Variants in GALNT13 observed in about 807,000 individuals in gnomAD.
GALNT13 encodes the protein UDP-GalNAc:polypeptide N-acetylgalactosaminyltransferase 13.
Under a neutral mutation model 64.2 loss-of-function variants are expected in GALNT13, and 28 were observed. The observed-to-expected ratio is 0.44, with a 90% CI of 0.32 to 0.60. The LOEUF (loss-of-function observed/expected upper bound fraction) is 0.60, where lower values mean the gene tolerates loss of function less well. Ranked by LOEUF, GALNT13 falls within the 20% of genes least tolerant of loss-of-function variation. GALNT13 has a pLI of 0.05. For missense variants in GALNT13, 577 were observed against 669.8 expected, an observed-to-expected ratio of 0.86 and a Z score of 1.53; for synonymous variants, 214 against 224.6, an observed-to-expected ratio of 0.95 and a Z score of 0.42.
At chr2:153,199,046 T>C in the GALNT13 span, among the ~76,000 whole-genome samples, 1 of 152,212 alleles carries the variant, frequency 6.6e-6, no homozygotes, top group African/African-American at 2.4e-5. Flanking sequence ...TTTGGGGTAC[T>C]CTCAGACTTT....
At chr2:154,324,074 A>G (rs1233809796) in intron 9 of GALNT13, among the ~76,000 whole-genome samples, 1 of 152,064 alleles carries the variant, frequency 6.6e-6, no homozygotes, top group Non-Finnish European at 1.5e-5. Flanking sequence ...CAACATTTAG[A>G]AATCTTAGTC....
chr2:153,628,482 T>G, the GALNT13 span, among the ~76,000 whole-genome samples: 52 of 151,658 alleles, frequency 3.4e-4, no homozygotes, highest in African/African-American at 1.1e-3. Flanking sequence ...GGCTGTGGGT[T>G]TGTCATAGAT....
At chr2:153,368,766 A>G in the GALNT13 span, among the ~76,000 whole-genome samples, 1 of 152,124 alleles carries the variant, frequency 6.6e-6, no homozygotes, top group Non-Finnish European at 1.5e-5. Flanking sequence ...GAACAAATAG[A>G]AAGTCAGTAA....
the GALNT13 span, among the ~76,000 whole-genome samples, chr2:153,097,199 A>G: frequency 1.3e-5 from 2 of 152,112 alleles, no homozygotes; most frequent in African/African-American, 2.4e-5. Flanking sequence ...TACTGTTTCT[A>G]TTTATATTTT....
At chr2:153,346,663 A>T in the GALNT13 span, among the ~76,000 whole-genome samples, 1 of 152,186 alleles carries the variant, frequency 6.6e-6, no homozygotes, top group South Asian at 2.1e-4. Context: ...CCTGAGATAC[A>T]CTAAATTACA....
chr2:153,593,900 CAG>C, the GALNT13 span, among the ~76,000 whole-genome samples: 1 of 151,994 alleles, frequency 6.6e-6, no homozygotes, highest in African/African-American at 2.4e-5. Flanking sequence ...AGTAATGTTC[CAG>C]AAGTCAATGA....
chr2:153,785,799 G>T, the GALNT13 span, among the ~76,000 whole-genome samples: 2 of 152,114 alleles, frequency 1.3e-5, no homozygotes, highest in African/African-American at 4.8e-5. Context: ...CAGTGTGGGC[G>T]TGGGGGATGC....
intron 1 of GALNT13, among the ~76,000 whole-genome samples, chr2:153,873,982 C>A (rs16834610): frequency 6.6e-6 from 1 of 151,960 alleles, no homozygotes; most frequent in Non-Finnish European, 1.5e-5. Flanking sequence ...ACTTTTGGAC[C>A]TCTCACCTTC....
chr2:153,504,286 G>A, the GALNT13 span, among the ~76,000 whole-genome samples: 1 of 152,192 alleles, frequency 6.6e-6, no homozygotes, highest in Non-Finnish European at 1.5e-5. Context: ...CTTTTTGGAT[G>A]AGTCTTTAGA....
At chr2:154,440,610 G>C (rs1026192419) in intron 12 of GALNT13, among the ~76,000 whole-genome samples, 2 of 152,036 alleles carry the variant, frequency 1.3e-5, no homozygotes, top group Non-Finnish European at 2.9e-5. Context: ...CGCACAAAAA[G>C]CTTATAAAAT....
chr2:153,332,079 T>C, the GALNT13 span, among the ~76,000 whole-genome samples: 1 of 152,224 alleles, frequency 6.6e-6, no homozygotes, highest in Non-Finnish European at 1.5e-5. Flanking sequence ...TGTCTGTTTT[T>C]TTCTTGTTAA....
At chr2:153,853,417 A>G in the GALNT13 span, among the ~76,000 whole-genome samples, 575 of 152,280 alleles carry the variant, frequency 3.8e-3, 5 homozygotes, top group African/African-American at 0.013. Context: ...ACCCTTATTT[A>G]TAATAGTCAA....
chr2:154,185,442 A>G (rs1573832603), intron 4 of GALNT13, among the ~76,000 whole-genome samples: 1 of 151,884 alleles, frequency 6.6e-6, no homozygotes, highest in South Asian at 2.1e-4. Flanking sequence ...AGCTTTCTAC[A>G]CCTTTCTCTT....
At chr2:154,175,724 G>C (rs1685610008) in intron 4 of GALNT13, among the ~76,000 whole-genome samples, 1 of 151,960 alleles carries the variant, frequency 6.6e-6, no homozygotes, top group South Asian at 2.1e-4. Context: ...TGTGTAGTAG[G>C]GTAATATATA....
the GALNT13 span, among the ~76,000 whole-genome samples, chr2:153,774,816 A>C: frequency 2.0e-5 from 3 of 152,198 alleles, no homozygotes; most frequent in African/African-American, 7.2e-5. Context: ...TGGTTGAGGC[A>C]GGAGGATTGC....
chr2:154,355,662 T>C (rs971394678), intron 9 of GALNT13, among the ~76,000 whole-genome samples: 1 of 152,052 alleles, frequency 6.6e-6, no homozygotes, highest in African/African-American at 2.4e-5. Context: ...CAGAGTTTAT[T>C]TATAAATGTA....
At chr2:153,193,988 A>G in the GALNT13 span, among the ~76,000 whole-genome samples, 1 of 152,226 alleles carries the variant, frequency 6.6e-6, no homozygotes, top group Non-Finnish European at 1.5e-5. Flanking sequence ...GTTCCCTTAT[A>G]TGTGACTAGA....
chr2:154,336,687 ATTTTC>A (rs1471919165), intron 9 of GALNT13, among the ~76,000 whole-genome samples: 4 of 152,020 alleles, frequency 2.6e-5, no homozygotes, highest in South Asian at 2.1e-4. Flanking sequence ...GGTCAAATTT[ATTTTC>A]TTAGTAAAAG....
rs150893927 is a variant in GALNT13, at chr2:154,253,974, T to C, written c.858-5047T>C. 9.2e-5 allele frequency among the ~76,000 whole-genome samples: 14 copies of C among 152,204 alleles called. 1 individual carries two copies. Among genetic ancestry groups the C allele is most frequent in the African/African-American group, 3.1e-4 (13 of 41,534 alleles). On this transcript the variant is annotated intron_variant, in intron 7 of 12. Transcript: ENST00000392825. The stretch of plus-strand genomic sequence containing the variant: ...TATACAATAAGAATTGGCCAGTTCC[T>C]TGAGATACACAGTGATAAGGGCTTA...
Sources: gnomAD v4.1 joint callset for allele counts (sites outside exome capture counted in the v4.1 genomes callset) on GRCh38, gnomAD v4.1.1 for gene constraint, MANE v1.5 for transcripts, NCBI Gene and HGNC (gene_info 2026-07-23, HGNC 2026-07-21) for gene names.